The following ROBO1 variants were observed in gnomAD, a reference collection of about 807,000 sequenced individuals.
The protein encoded by ROBO1 is roundabout guidance receptor 1.
ROBO1 carries 149 observed loss-of-function variants against 195.9 expected under a neutral mutation model. The ratio of observed to expected loss-of-function variants is 0.76; its 90% CI spans 0.67 to 0.87. The LOEUF is 0.87. ROBO1 is among the 40% of genes least tolerant of loss of function. The pLI is 0.00. For missense variants in ROBO1, 1,933 were observed against 2,068.3 expected, an observed-to-expected ratio of 0.93 and a Z score of 1.27; for synonymous variants, 816 against 733.2, an observed-to-expected ratio of 1.11 and a Z score of -1.82.
chr3:78,606,597 G>A (rs946693500), intron 29 of ROBO1, 136 bp downstream of exon 29: 51 of 798,300 alleles, frequency 6.4e-5, no homozygotes, highest in Middle Eastern at 3.8e-4. Context: ...AAAATTATTC[G>A]AGTACATGCC....
In ROBO1 at chr3:78,606,962, A is replaced by C. The variant is rs1461741235; in HGVS notation, c.4515T>G (p.Pro1505=). The C allele has an allele frequency of 1.2e-6, 2 of 1,613,884 alleles. No homozygotes were observed. The highest frequency in any genetic ancestry group is 1.1e-5 in the South Asian group (1 of 91,078). ...TAGAAGGGAGTTTTGGCACCACTAC[A>C]GGTCGTACTTCCAGCTGTGTCTTGG... ...AQSKTQLEVR[P]VVVPKLPSMD... Residue 1505 remains proline, a synonymous_variant, in exon 29 of 31, where the codon CCT becomes CCG. Coordinates refer to ENST00000464233, the MANE Select transcript of ROBO1 (RefSeq NM_002941.4).
chr3:78,989,389 G>T (rs1299531578), intron 3 of ROBO1, among the ~76,000 whole-genome samples: 4 of 152,208 alleles, frequency 2.6e-5, no homozygotes, highest in Non-Finnish European at 5.9e-5. Context: ...CAAAGCGGGT[G>T]GAACACTTGA....
At chr3:79,419,530 C>T (rs2038140049) in intron 2 of ROBO1, among the ~76,000 whole-genome samples, 1 of 152,080 alleles carries the variant, frequency 6.6e-6, no homozygotes, top group African/African-American at 2.4e-5. Flanking sequence ...GGATCGCTCC[C>T]CGTTCTTCCT....
At chr3:79,134,051 C>G (rs1379816435) in intron 2 of ROBO1, among the ~76,000 whole-genome samples, 1 of 149,624 alleles carries the variant, frequency 6.7e-6, no homozygotes, top group Non-Finnish European at 1.5e-5. Context: ...TCTAATTAAA[C>G]TAAAGAGCTT....
chr3:78,756,149 C>A (rs193274509), intron 4 of ROBO1, among the ~76,000 whole-genome samples: 1 of 151,762 alleles, frequency 6.6e-6, no homozygotes, highest in South Asian at 2.1e-4. Flanking sequence ...CATACATGAC[C>A]GCTAGTCATT....
intron 3 of ROBO1, among the ~76,000 whole-genome samples, chr3:78,984,411 C>T (rs1472327627): frequency 6.6e-6 from 1 of 152,002 alleles, no homozygotes; most frequent in African/African-American, 2.4e-5. Context: ...GGAGAGAAGC[C>T]AGCTAAGAGT....
chr3:79,100,404 C>A (rs1462712341), intron 3 of ROBO1, among the ~76,000 whole-genome samples: 3 of 151,312 alleles, frequency 2.0e-5, no homozygotes, highest in Admixed American at 6.6e-5. Context: ...CTTTTTTTCC[C>A]TAAACCATAT....
At chr3:79,490,407 T>C (rs1409389166) in intron 2 of ROBO1, among the ~76,000 whole-genome samples, 2 of 152,160 alleles carry the variant, frequency 1.3e-5, no homozygotes, top group African/African-American at 4.8e-5. Flanking sequence ...GAAACACTTT[T>C]TACCTCCTGG....
At chr3:79,167,580 C>T (rs2081091849) in intron 2 of ROBO1, among the ~76,000 whole-genome samples, 1 of 152,138 alleles carries the variant, frequency 6.6e-6, no homozygotes, top group Non-Finnish European at 1.5e-5. Context: ...TCTGTCCCAA[C>T]TAGTTACTTC....
intron 2 of ROBO1, among the ~76,000 whole-genome samples, chr3:79,339,346 T>A (rs1403270391): frequency 6.6e-6 from 1 of 152,178 alleles, no homozygotes; most frequent in African/African-American, 2.4e-5. Context: ...ATCTTCCTCA[T>A]CCCTCTTACT....
intron 3 of ROBO1, among the ~76,000 whole-genome samples, chr3:78,941,228 T>C (rs976472703): frequency 2.0e-5 from 3 of 152,162 alleles, no homozygotes; most frequent in African/African-American, 7.2e-5. Context: ...TACAGCATGG[T>C]ATAGATTTTT....
At chr3:79,156,026 A>T (rs1239896454) in intron 2 of ROBO1, among the ~76,000 whole-genome samples, 2 of 151,706 alleles carry the variant, frequency 1.3e-5, no homozygotes, top group Non-Finnish European at 2.9e-5. Flanking sequence ...AAGGTTCTTG[A>T]TCATTTAGCT....
chr3:78,941,307 A>G (rs1057171410), intron 3 of ROBO1, among the ~76,000 whole-genome samples: 10 of 152,186 alleles, frequency 6.6e-5, no homozygotes, highest in African/African-American at 2.2e-4. Context: ...TTACTTGGAA[A>G]CTTATACTCT....
At chr3:79,024,596 A>G (rs1052099509) in intron 3 of ROBO1, among the ~76,000 whole-genome samples, 2 of 152,138 alleles carry the variant, frequency 1.3e-5, no homozygotes, top group African/African-American at 2.4e-5. Flanking sequence ...GACTTGGGAG[A>G]CTTCAGATTC....
Position 79,035,563 on chromosome 3 carries a change from A to G in ROBO1, c.172+89893T>C, listed in dbSNP as rs530107237. On this transcript the variant is annotated intron_variant, in intron 3 of 30. Coordinates refer to ENST00000464233, the MANE Select transcript of ROBO1 (RefSeq NM_002941.4). The stretch of plus-strand genomic sequence containing the variant: ...AGTGAGACCTCATCTCTACAAAACA[A>G]AAAAAACAATTAGTGGGGCATGGTG... Among the ~76,000 whole-genome samples, 5 of 152,112 alleles carry G rather than the reference A, an allele frequency of 3.3e-5. No homozygotes were observed. The South Asian group carries it at 1.0e-3, about 32-fold the overall frequency.
intron 3 of ROBO1, among the ~76,000 whole-genome samples, chr3:79,004,507 G>C (rs2108158261): frequency 6.6e-6 from 1 of 152,288 alleles, no homozygotes; most frequent in East Asian, 1.9e-4. Flanking sequence ...TGTGGGCAAA[G>C]ACAGTATGTA....
At chr3:79,431,152 C>A (rs2038659405) in intron 2 of ROBO1, among the ~76,000 whole-genome samples, 1 of 152,074 alleles carries the variant, frequency 6.6e-6, no homozygotes, top group Admixed American at 6.6e-5. Flanking sequence ...GTCTTGTCAC[C>A]AGCAACTTGG....
At chr3:79,264,525 C>G (rs1032867505) in intron 2 of ROBO1, among the ~76,000 whole-genome samples, 1 of 151,776 alleles carries the variant, frequency 6.6e-6, no homozygotes, top group Non-Finnish European at 1.5e-5. Context: ...TTCAAGGTTC[C>G]CAAAAGACAG....
At chr3:79,687,323 C>T (rs1947149835) in intron 1 of ROBO1, among the ~76,000 whole-genome samples, 2 of 152,056 alleles carry the variant, frequency 1.3e-5, no homozygotes, top group Admixed American at 6.6e-5. Context: ...GCAAGGACTT[C>T]ATGTCTAAAA....
Sources: gnomAD v4.1 joint callset for allele counts (sites outside exome capture counted in the v4.1 genomes callset) on GRCh38, gnomAD v4.1.1 for gene constraint, MANE v1.5 for transcripts, NCBI Gene and HGNC (gene_info 2026-07-23, HGNC 2026-07-21) for gene names.